ZNF469: variants seen among roughly 807,000 people sequenced by gnomAD.
ZNF469 encodes zinc finger protein 469.
In ZNF469, 1 loss-of-function variant was observed where a neutral mutation model predicts 1.0. That is an observed-to-expected ratio of 1.00 (90% CI 0.35 to 4.73). The LOEUF (loss-of-function observed/expected upper bound fraction) is 4.73, where lower values mean the gene tolerates loss of function less well. Among genes scored for constraint, ZNF469 ranks in the 30% most tolerant of loss-of-function variants. The pLI is 0.16. For missense variants in ZNF469, 6,100 were observed against 5,356.3 expected (o/e 1.14, Z -4.33); for synonymous variants, 2,703 against 2,363.4 (o/e 1.14, Z -4.17).
At chr16:88,242,238 G>T in the ZNF469 span, among the ~76,000 whole-genome samples, 1 of 152,340 alleles carries the variant, frequency 6.6e-6, no homozygotes, top group East Asian at 1.9e-4. Context: ...CTCATCAGCG[G>T]CTTCTCATCC....
At chr16:88,315,708 G>A in the ZNF469 span, among the ~76,000 whole-genome samples, 3 of 152,172 alleles carry the variant, frequency 2.0e-5, no homozygotes, top group South Asian at 2.1e-4. Flanking sequence ...TCACTCAGCC[G>A]ATCAGCTTCT....
the ZNF469 span, among the ~76,000 whole-genome samples, chr16:88,333,926 G>GTGTA: frequency 2.6e-5 from 4 of 151,990 alleles, no homozygotes; most frequent in African/African-American, 4.8e-5. Context: ...GTGTCTGTGT[G>GTGTA]TGTCTACATG....
At chr16:88,164,294 G>T in the ZNF469 span, among the ~76,000 whole-genome samples, 7 of 152,042 alleles carry the variant, frequency 4.6e-5, no homozygotes, top group African/African-American at 7.3e-5. Flanking sequence ...TGAATGAATG[G>T]ATGGGTGGAT....
At chr16:88,229,607 G>GTGGATGTCACGCA in the ZNF469 span, among the ~76,000 whole-genome samples, 7 of 65,554 alleles carry the variant, frequency 1.1e-4, no homozygotes, top group Admixed American at 4.6e-4. Context: ...TGTCACGCGT[G>GTGGATGTCACGCA]TGTGCTGATG....
At chr16:88,182,808 A>T in the ZNF469 span, among the ~76,000 whole-genome samples, 1 of 151,722 alleles carries the variant, frequency 6.6e-6, no homozygotes, top group Admixed American at 6.6e-5. Flanking sequence ...AAGAAAACAA[A>T]AAACTGCTTT....
chr16:88,232,405 C>T, the ZNF469 span, among the ~76,000 whole-genome samples: 2 of 152,206 alleles, frequency 1.3e-5, no homozygotes, highest in Non-Finnish European at 2.9e-5. Flanking sequence ...ACCACCACCC[C>T]GCCTCCCAAT....
chr16:88,357,120 G>A, the ZNF469 span, among the ~76,000 whole-genome samples: 12 of 152,366 alleles, frequency 7.9e-5, no homozygotes, highest in African/African-American at 2.6e-4. Context: ...TTGGCTGGAG[G>A]GGTTGGAGGT....
the ZNF469 span, among the ~76,000 whole-genome samples, chr16:88,316,333 C>T: frequency 3.3e-5 from 5 of 152,192 alleles, no homozygotes; most frequent in African/African-American, 1.2e-4. Flanking sequence ...TGGGATGGTG[C>T]ACCACGCTCG....
At chr16:88,114,698 G>A in the ZNF469 span, among the ~76,000 whole-genome samples, 2 of 152,226 alleles carry the variant, frequency 1.3e-5, no homozygotes, top group African/African-American at 2.4e-5. Flanking sequence ...TGGTGAAGGC[G>A]GGCCTGGCCC....
At chr16:88,385,277 A>C (rs987094545) in intron 1 of ZNF469, among the ~76,000 whole-genome samples, 3 of 151,792 alleles carry the variant, frequency 2.0e-5, no homozygotes, top group African/African-American at 7.3e-5. Context: ...GCCATGGTGG[A>C]CTCATCTGGA....
At chr16:88,351,735 C>A in the ZNF469 span, among the ~76,000 whole-genome samples, 6 of 152,184 alleles carry the variant, frequency 3.9e-5, no homozygotes, top group Non-Finnish European at 7.4e-5. Flanking sequence ...GCTCCTCCCC[C>A]ACCAGCAGGG....
chr16:88,396,319 C>T (rs1269811732), intron 1 of ZNF469, among the ~76,000 whole-genome samples: 2 of 152,240 alleles, frequency 1.3e-5, no homozygotes, highest in East Asian at 3.8e-4. Flanking sequence ...CACATCAGCT[C>T]CAAACTCAAG....
chr16:88,106,841 A>G, the ZNF469 span, among the ~76,000 whole-genome samples: 1 of 152,364 alleles, frequency 6.6e-6, no homozygotes, highest in African/African-American at 2.4e-5. Context: ...AGCTGAAGCC[A>G]TCGCCCCCAG....
chr16:88,103,739 G>A, the ZNF469 span, among the ~76,000 whole-genome samples: 43 of 149,560 alleles, frequency 2.9e-4, no homozygotes, highest in African/African-American at 1.1e-3. Context: ...AGGGAGCGGT[G>A]GAATAATCCT....
At chr16:88,195,682 A>G in the ZNF469 span, among the ~76,000 whole-genome samples, 2 of 152,200 alleles carry the variant, frequency 1.3e-5, no homozygotes, top group African/African-American at 4.8e-5. Flanking sequence ...GGACGTTTGA[A>G]GAAAAGGGGG....
the ZNF469 span, among the ~76,000 whole-genome samples, chr16:88,124,192 T>C: frequency 1.1e-4 from 16 of 152,212 alleles, no homozygotes; most frequent in African/African-American, 3.9e-4. Flanking sequence ...AGGTATCTGT[T>C]TGACCAGAAT....
At chr16:88,167,013 A>C in the ZNF469 span, among the ~76,000 whole-genome samples, 1 of 147,310 alleles carries the variant, frequency 6.8e-6, no homozygotes, top group South Asian at 2.2e-4. Flanking sequence ...TGTGGTCTTC[A>C]GGTGCAATTC....
At chr16:88,183,233 G>C in the ZNF469 span, among the ~76,000 whole-genome samples, 1 of 152,184 alleles carries the variant, frequency 6.6e-6, no homozygotes, top group Non-Finnish European at 1.5e-5. Context: ...GGTGGAAAAC[G>C]GGGCTGCCAT....
At chr16:88,221,220 G>T in the ZNF469 span, among the ~76,000 whole-genome samples, 2 of 152,230 alleles carry the variant, frequency 1.3e-5, no homozygotes, top group South Asian at 4.1e-4. Flanking sequence ...ACAGACCCGG[G>T]CTGGCTGGGC....
Sources: gnomAD v4.1 joint callset for allele counts (sites outside exome capture counted in the v4.1 genomes callset) on GRCh38, gnomAD v4.1.1 for gene constraint, MANE v1.5 for transcripts, NCBI Gene and HGNC (gene_info 2026-07-23, HGNC 2026-07-21) for gene names.